Variants in LPIN2 observed in about 807,000 individuals in gnomAD.
LPIN2 encodes phosphatidate phosphatase LPIN2.
A neutral mutation model predicts 111.4 loss-of-function variants in LPIN2; 55 were observed. The ratio of observed to expected loss-of-function variants is 0.49; its 90% CI spans 0.40 to 0.62. The LOEUF (loss-of-function observed/expected upper bound fraction) is 0.62. Among genes scored for constraint, LPIN2 ranks in the 20% least tolerant of loss-of-function variants. The pLI, the probability that LPIN2 is intolerant of heterozygous loss-of-function variation, is 0.00. For missense variants in LPIN2, 992 were observed against 1,112.1 expected, an observed-to-expected ratio of 0.89 and a Z score of 1.54; for synonymous variants, 425 against 414.0, an observed-to-expected ratio of 1.03 and a Z score of -0.32.
At chr18:2,958,700 T>C (rs1294743299) in intron 2 of LPIN2, among the ~76,000 whole-genome samples, 2 of 152,150 alleles carry the variant, frequency 1.3e-5, no homozygotes, top group Admixed American at 6.5e-5. Context: ...CATGAGTACA[T>C]TCCTATTAAA....
intron 1 of LPIN2, among the ~76,000 whole-genome samples, chr18:3,008,428 T>A (rs1341005633): frequency 6.6e-6 from 1 of 152,222 alleles, no homozygotes; most frequent in African/African-American, 2.4e-5. Flanking sequence ...GGTGACCAAG[T>A]GAGACCTTGT....
At chr18:2,996,457 A>AG (rs1283747510) in intron 1 of LPIN2, among the ~76,000 whole-genome samples, 6 of 145,798 alleles carry the variant, frequency 4.1e-5, no homozygotes, top group Non-Finnish European at 6.0e-5. Flanking sequence ...CTTACCTCCC[A>AG]GGAAAATATC....
At chr18:3,009,432 A>G (rs529253101) in intron 1 of LPIN2, among the ~76,000 whole-genome samples, 2 of 151,596 alleles carry the variant, frequency 1.3e-5, no homozygotes, top group East Asian at 1.9e-4. Flanking sequence ...AAAAATAAGT[A>G]CCATTTTTTG....
intron 1 of LPIN2, among the ~76,000 whole-genome samples, chr18:2,984,353 C>T (rs2078156578): frequency 6.6e-6 from 1 of 152,074 alleles, no homozygotes; most frequent in Non-Finnish European, 1.5e-5. Context: ...CAAACTCCTA[C>T]TTCCAGAAGA....
In LPIN2 at chr18:2,987,582, A is replaced by G. The variant is rs1192960738; in HGVS notation, c.-10+25505T>C. Among the ~76,000 whole-genome samples the G allele has an allele frequency of 2.0e-5, 3 of 152,138 alleles. No homozygotes were observed. In the East Asian group the frequency reaches 5.8e-4, roughly 29 times the overall value. On this transcript the variant is annotated intron_variant, in intron 1 of 19. Transcript: ENST00000677752. ...TCTTCCATAGCTGGTTCCTCACAAC[A>G]GTTCTAATTCAAGATTTTCTCGACC...
intron 11 of LPIN2, 128 bp downstream of exon 11, chr18:2,928,463 A>T (rs1454472888): frequency 2.8e-5 from 25 of 907,252 alleles, no homozygotes; most frequent in Non-Finnish European, 4.5e-5. Flanking sequence ...TTGATCTTTT[A>T]TATTAAATAT....
At chr18:2,937,612 G>A (rs910144922) in intron 7 of LPIN2, 80 bp downstream of exon 7, 1 of 983,138 alleles carries the variant, frequency 1.0e-6, no homozygotes, top group African/African-American at 1.6e-5. Context: ...TACAGAGGCA[G>A]CCATCACGTT....
intron 1 of LPIN2, among the ~76,000 whole-genome samples, chr18:2,996,480 T>A (rs1269440779): frequency 1.7e-5 from 2 of 117,022 alleles, no homozygotes; most frequent in Admixed American, 7.7e-5. Flanking sequence ...TTTTTTTTTT[T>A]TTTTTTTTTT....
At chr18:2,933,395 T>C (rs1598534307) in intron 8 of LPIN2, among the ~76,000 whole-genome samples, 1 of 152,202 alleles carries the variant, frequency 6.6e-6, no homozygotes, top group Non-Finnish European at 1.5e-5. Flanking sequence ...GGTAATTCTA[T>C]GACAGCTTAT....
At position 2,925,345 on chromosome 18, in the gene LPIN2, C is replaced by T; in HGVS notation, c.1817G>A (p.Ser606Asn). ...GARPAENDSS[S>N]DEGSQELEES... Reference sequence around the variant, plus strand: ...TTCGAGCTCCTGTGATCCCTCGTCACTCGAGGAGTCATTCTCGGCCGGCCT... The same window carrying T: ...TTCGAGCTCCTGTGATCCCTCGTCATTCGAGGAGTCATTCTCGGCCGGCCT... The change falls in exon 14 of 20, where the codon AGT (serine) becomes AAT (asparagine). Residue 606 changes from serine to asparagine, a missense_variant. Around this residue, in one of 4 missense-constraint regions of LPIN2, gnomAD observed 709 missense variants for 753.2 expected, o/e 0.94. Coordinates refer to ENST00000677752, the MANE Select transcript of LPIN2 (RefSeq NM_001375808.2). The surrounding 1 kb of genome is among the most constrained non-coding windows in gnomAD (Gnocchi z 4.1). 6.2e-7 allele frequency: 1 copy of T among 1,614,130 alleles called. No individual in the cohort carries two copies. Among genetic ancestry groups the T allele is most frequent in the Non-Finnish European group, 8.5e-7 (1 of 1,180,014 alleles).
chr18:2,988,484 C>T (rs2078218237), intron 1 of LPIN2, among the ~76,000 whole-genome samples: 1 of 152,176 alleles, frequency 6.6e-6, no homozygotes, highest in African/African-American at 2.4e-5. Flanking sequence ...TAAAGCTTGA[C>T]TGAGATGTGT....
At chr18:2,970,192 C>T (rs1192637071) in intron 1 of LPIN2, among the ~76,000 whole-genome samples, 2 of 152,168 alleles carry the variant, frequency 1.3e-5, no homozygotes, top group Admixed American at 6.5e-5. Context: ...GGAATTTAAA[C>T]AGACACATAA....
chr18:3,012,278 T>G (rs1298983279), intron 1 of LPIN2, among the ~76,000 whole-genome samples: 2 of 152,218 alleles, frequency 1.3e-5, no homozygotes, highest in East Asian at 3.8e-4. Context: ...TATTCAGAGT[T>G]CCAGTACTTT....
intron 1 of LPIN2, among the ~76,000 whole-genome samples, chr18:2,975,567 C>T (rs2077999306): frequency 6.6e-6 from 1 of 152,200 alleles, no homozygotes; most frequent in Non-Finnish European, 1.5e-5. Context: ...CTCCTCACCT[C>T]AGGTGATCCA....
At chr18:3,012,528 T>C (rs1366599568) in intron 1 of LPIN2, among the ~76,000 whole-genome samples, 1 of 152,100 alleles carries the variant, frequency 6.6e-6, no homozygotes, top group Non-Finnish European at 1.5e-5. Flanking sequence ...CACATTTGAA[T>C]CCGGTCCACA....
chr18:3,012,204 C>A lies in LPIN2; in HGVS notation c.-10+883G>T, dbSNP rs576593377. On this transcript the variant is annotated intron_variant, in intron 1 of 19. Coordinates refer to ENST00000677752, the MANE Select transcript of LPIN2 (RefSeq NM_001375808.2). Reference sequence around the variant, plus strand: ...TTCAATTAAAAAAAAAATGGGTAAGCCCCAAATGTGCATTAAAAATTAGTT... The same window carrying A: ...TTCAATTAAAAAAAAAATGGGTAAGACCCAAATGTGCATTAAAAATTAGTT... 2.6e-5 allele frequency among the ~76,000 whole-genome samples: 4 copies of A among 152,226 alleles called. No homozygotes were observed. In the East Asian group the frequency reaches 7.7e-4, roughly 29 times the overall value.
chr18:2,938,176 C>T, intron 6 of LPIN2, 139 bp from the exon 7 acceptor site: 1 of 693,964 alleles, frequency 1.4e-6, no homozygotes, highest in Non-Finnish European at 2.5e-6. Context: ...TGTAAAAATT[C>T]CATAATAAAG....
Position 2,937,975 on chromosome 18 carries a change from A to C in LPIN2, c.885T>G (p.Asn295Lys), listed in dbSNP as rs1391029101. 6.8e-6 allele frequency: 11 copies of C among 1,614,152 alleles called. No homozygotes were observed. Among genetic ancestry groups the C allele is most frequent in the Non-Finnish European group, 9.3e-6 (11 of 1,180,026 alleles). ...CACTGGGAATTACCCGAAAATGAGTATTTTCTGATGGTGTAATTGTAGCTG... is the reference window on the plus strand; with the variant it reads ...CACTGGGAATTACCCGAAAATGAGTCTTTTCTGATGGTGTAATTGTAGCTG... ...PRTATITPSE[N>K]THFRVIPSED... The change falls in exon 7 of 20, where the codon AAT becomes AAG. Residue 295 changes from asparagine (N) to lysine (K), a missense_variant. By Grantham distance (94) the Asn-to-Lys change is moderately conservative. Coordinates refer to ENST00000677752, the MANE Select transcript of LPIN2 (RefSeq NM_001375808.2).
chr18:2,967,306 G>A (rs1568586201), intron 1 of LPIN2, among the ~76,000 whole-genome samples: 1 of 152,130 alleles, frequency 6.6e-6, no homozygotes, highest in Non-Finnish European at 1.5e-5. Context: ...AAAAAAATCT[G>A]AGGGCTGAAC....
Sources: gnomAD v4.1 joint callset for allele counts (sites outside exome capture counted in the v4.1 genomes callset) on GRCh38, gnomAD v4.1.1 for gene constraint, gnomAD v4.1.1 regional missense constraint, Gnocchi (gnomAD v3.1) non-coding constraint, MANE v1.5 for transcripts, NCBI Gene and HGNC (gene_info 2026-07-23, HGNC 2026-07-21) for gene names.